Variants in AQP7B observed in about 807,000 individuals in gnomAD.
The protein encoded by AQP7B is putative aquaporin-7B.
At chr2:94,594,030 C>G in the AQP7B span, among the ~76,000 whole-genome samples, 4 of 152,202 alleles carry the variant, frequency 2.6e-5, no homozygotes, top group African/African-American at 9.7e-5. Flanking sequence ...TTCACATCTA[C>G]TATGTGCCTG....
At chr2:94,587,723 C>T in the AQP7B span, among the ~76,000 whole-genome samples, 19 of 151,956 alleles carry the variant, frequency 1.3e-4, no homozygotes, top group Admixed American at 6.6e-5. Context: ...GGGGGTGGGA[C>T]GAAGAGAGAG....
At chr2:94,604,448 C>A in the AQP7B span, 66 of 1,611,328 alleles carry the variant, frequency 4.1e-5, no homozygotes, top group Non-Finnish European at 5.5e-5. Flanking sequence ...AACCGTATTG[C>A]CCAAGATGGG....
chr2:94,593,192 G>T, the AQP7B span, among the ~76,000 whole-genome samples: 1 of 151,982 alleles, frequency 6.6e-6, no homozygotes, highest in Non-Finnish European at 1.5e-5. Flanking sequence ...TGGGGCATGT[G>T]GAAGAAGTGA....
At chr2:94,589,655 C>T in the AQP7B span, among the ~76,000 whole-genome samples, 1 of 152,046 alleles carries the variant, frequency 6.6e-6, no homozygotes, top group Admixed American at 6.6e-5. Flanking sequence ...ATGAATAGTG[C>T]CCCTCTGTTG....
At chr2:94,602,676 C>T in the AQP7B span, 2 of 1,492,278 alleles carry the variant, frequency 1.3e-6, no homozygotes, top group Non-Finnish European at 1.8e-6. Context: ...AGGCTCTTTC[C>T]TGCCCACCTC....
chr2:94,593,130 C>T, the AQP7B span, among the ~76,000 whole-genome samples: 2 of 152,006 alleles, frequency 1.3e-5, no homozygotes, highest in African/African-American at 2.4e-5. Context: ...CCTAACTGAG[C>T]AATTACTATG....
chr2:94,601,456 C>T, the AQP7B span, among the ~76,000 whole-genome samples: 1 of 152,194 alleles, frequency 6.6e-6, no homozygotes, highest in African/African-American at 2.4e-5. Flanking sequence ...TTTAGCGCAT[C>T]AGGCATAGCT....
At chr2:94,595,411 G>A in the AQP7B span, among the ~76,000 whole-genome samples, 3 of 151,956 alleles carry the variant, frequency 2.0e-5, no homozygotes, top group African/African-American at 7.2e-5. Context: ...CTCCAGCCTG[G>A]GTGACAGGAG....
the AQP7B span, among the ~76,000 whole-genome samples, chr2:94,587,343 A>G: frequency 5.3e-5 from 8 of 152,280 alleles, no homozygotes; most frequent in Non-Finnish European, 1.2e-4. Context: ...GAGGAAGAAG[A>G]TCAAGATGCG....
the AQP7B span, among the ~76,000 whole-genome samples, chr2:94,598,480 C>T: frequency 3.3e-5 from 5 of 152,098 alleles, no homozygotes; most frequent in Non-Finnish European, 4.4e-5. Context: ...ACGTGAGACA[C>T]GGGGCAAGGG....
chr2:94,593,520 T>C, the AQP7B span, among the ~76,000 whole-genome samples: 1 of 144,128 alleles, frequency 6.9e-6, no homozygotes, highest in South Asian at 2.3e-4. Context: ...AGTCTCGCTC[T>C]TGTTGCCCAG....
chr2:94,594,645 G>C, the AQP7B span: 1 of 785,392 alleles, frequency 1.3e-6, no homozygotes. Flanking sequence ...TGGCGAGGCT[G>C]CTGGGTTACC....
At chr2:94,591,009 C>A in the AQP7B span, among the ~76,000 whole-genome samples, 6 of 149,868 alleles carry the variant, frequency 4.0e-5, no homozygotes, top group Non-Finnish European at 3.0e-5. Flanking sequence ...GAGTTGTTAG[C>A]TATTTAGTTC....
At chr2:94,590,962 A>AG in the AQP7B span, among the ~76,000 whole-genome samples, 1 of 151,098 alleles carries the variant, frequency 6.6e-6, no homozygotes, top group Non-Finnish European at 1.5e-5. Flanking sequence ...AAAAAAAAAA[A>AG]AAAAAAGAAA....
At chr2:94,589,205 C>T in the AQP7B span, among the ~76,000 whole-genome samples, 23 of 147,614 alleles carry the variant, frequency 1.6e-4, no homozygotes, top group African/African-American at 4.0e-4. Context: ...AATGGGGTTT[C>T]GCCATGTTCG....
chr2:94,599,170 T>G, the AQP7B span, among the ~76,000 whole-genome samples: 2 of 152,148 alleles, frequency 1.3e-5, no homozygotes, highest in Non-Finnish European at 2.9e-5. Context: ...CCCTCTGTTT[T>G]CAGACCCTCC....
At chr2:94,601,721 G>A in the AQP7B span, among the ~76,000 whole-genome samples, 1 of 152,136 alleles carries the variant, frequency 6.6e-6, no homozygotes, top group African/African-American at 2.4e-5. Context: ...TTGCTGGGAA[G>A]GATGAGACTC....
the AQP7B span, among the ~76,000 whole-genome samples, chr2:94,593,447 A>T: frequency 6.7e-6 from 1 of 149,286 alleles, no homozygotes; most frequent in Non-Finnish European, 1.5e-5. Flanking sequence ...GACTAAGGCC[A>T]CACTTAGAGG....
the AQP7B span, chr2:94,594,802 T>G: frequency 6.4e-7 from 1 of 1,563,252 alleles, no homozygotes; most frequent in East Asian, 2.2e-5. Context: ...CCAGGAAATA[T>G]GGTGCGAGGA....
Sources: gnomAD v4.1 joint callset for allele counts (sites outside exome capture counted in the v4.1 genomes callset) on GRCh38, gnomAD v4.1.1 for gene constraint, MANE v1.5 for transcripts, NCBI Gene and HGNC (gene_info 2026-07-23, HGNC 2026-07-21) for gene names.